Variants in ADORA2B observed in about 807,000 individuals in gnomAD.
ADORA2B encodes the protein adenosine receptor A2b.
Under a neutral mutation model 20.8 loss-of-function variants are expected in ADORA2B, and 18 were observed. The observed-to-expected ratio is 0.87, with a 90% CI of 0.60 to 1.29. The LOEUF is 1.29. ADORA2B is among the 50% of genes most tolerant of loss of function. The pLI is 0.00. For synonymous variants in ADORA2B, 179 were observed against 178.3 expected (o/e 1.00, Z -0.03); for missense variants, 441 against 422.7 (o/e 1.04, Z -0.38).
Position 15,971,245 on chromosome 17 carries a change from A to G in ADORA2B, c.336-3434A>G, listed in dbSNP as rs1283732636. Among the ~76,000 whole-genome samples the G allele has an allele frequency of 8.5e-5, 13 of 152,220 alleles. No homozygotes were observed. The East Asian group carries it at 2.5e-3, about 29-fold the overall frequency. Reference sequence around the variant, plus strand: ...TCCGCCTTTGGGAGGCTTCCTTGTTATGCTGCAGGGACTAATTGTGTTATT... The same window carrying G: ...TCCGCCTTTGGGAGGCTTCCTTGTTGTGCTGCAGGGACTAATTGTGTTATT... On this transcript the variant is annotated intron_variant, in intron 1 of 1. Transcript: ENST00000304222.
the ADORA2B span, among the ~76,000 whole-genome samples, chr17:15,908,149 A>G: frequency 4.6e-5 from 7 of 152,234 alleles, no homozygotes; most frequent in African/African-American, 1.7e-4. Flanking sequence ...GTGCAGTAAC[A>G]GAATCATGGC....
At chr17:15,943,947 T>A (rs948533380), upstream of ADORA2B, among the ~76,000 whole-genome samples, 2 of 151,852 alleles carry the variant, frequency 1.3e-5, no homozygotes, top group African/African-American at 4.8e-5. Context: ...AGAACAATGG[T>A]GTTGGTGAGG....
chr17:15,896,984 G>T, the ADORA2B span, among the ~76,000 whole-genome samples: 2 of 152,154 alleles, frequency 1.3e-5, no homozygotes, highest in Non-Finnish European at 2.9e-5. Context: ...GAGAGCTTGG[G>T]AATGACTGTT....
At chr17:15,922,924 A>G in the ADORA2B span, among the ~76,000 whole-genome samples, 5 of 152,204 alleles carry the variant, frequency 3.3e-5, no homozygotes, top group African/African-American at 4.8e-5. Context: ...GCATTTTGTT[A>G]TAAATGAGAC....
At chr17:15,947,628 T>G (rs758855) in intron 1 of ADORA2B, among the ~76,000 whole-genome samples, 143,592 of 152,272 alleles carry the variant, frequency 0.94, 68,083 homozygotes, top group Non-Finnish European at 0.99. Context: ...TGCCCCAGAG[T>G]TAGTCGTCTG....
chr17:15,863,056 A>G, the ADORA2B span, among the ~76,000 whole-genome samples: 1 of 152,100 alleles, frequency 6.6e-6, no homozygotes, highest in Admixed American at 6.6e-5. Context: ...GTTTAATTTA[A>G]AGCCCCAGAT....
At position 15,974,973 on chromosome 17, in the gene ADORA2B, C is replaced by A. The variant is rs1327286697; in HGVS notation, c.630C>A (p.Cys210Ter). ...ACATTAAGATCTTCCTGGTGGCCTG[C>A]AGGCAGCTTCAGCGCACTGAGCTGA... ...VIYIKIFLVA[C>*]RQLQRTELMD... is the part of the protein sequence containing the mutation. Residue 210 changes from cysteine (C) to a stop codon, truncating the protein, a stop_gained, in exon 2 of 2, where the codon TGC (cysteine) becomes TGA (stop). Transcript: ENST00000304222. LOFTEE classifies it high-confidence loss of function. 6.2e-7 allele frequency: 1 copy of A among 1,614,182 alleles called. No individual in the cohort carries two copies.
chr17:15,958,985 G>A (rs916377969), intron 1 of ADORA2B, among the ~76,000 whole-genome samples: 2 of 152,172 alleles, frequency 1.3e-5, no homozygotes, highest in Non-Finnish European at 2.9e-5. Flanking sequence ...GCATGCAAAT[G>A]TATGAACATG....
At chr17:15,877,662 G>C in the ADORA2B span, among the ~76,000 whole-genome samples, 1 of 152,092 alleles carries the variant, frequency 6.6e-6, no homozygotes, top group Non-Finnish European at 1.5e-5. Context: ...TGCCTCAACT[G>C]CTCAATATCC....
chr17:15,871,060 A>C, the ADORA2B span, among the ~76,000 whole-genome samples: 1 of 152,188 alleles, frequency 6.6e-6, no homozygotes, highest in Non-Finnish European at 1.5e-5. Context: ...TGTGGGAGAC[A>C]CAGTCCTCTC....
chr17:15,974,546 A>T (rs1970223867), intron 1 of ADORA2B, 133 bp from the exon 2 acceptor site: 1 of 723,490 alleles, frequency 1.4e-6, no homozygotes, highest in Admixed American at 2.7e-5. Context: ...TATTGAGGGT[A>T]AAGGCCTTAG....
rs1217898700 is a variant in ADORA2B at position 15,945,500 on chromosome 17, C to T, written c.252C>T (p.Phe84=). The change falls in exon 1 of 2, where the codon TTC becomes TTT. Residue 84 remains phenylalanine (F), a synonymous_variant. Transcript: ENST00000304222. ...DFYGCLFLAC[F]VLVLTQSSIF... ...ACGGCTGCCTCTTCCTCGCCTGCTT[C>T]GTGCTGGTGCTCACGCAGAGCTCCA... is the stretch of plus-strand genomic sequence containing the variant. 5 of 1,610,912 alleles carry T rather than the reference C, an allele frequency of 3.1e-6. No individual in the cohort carries two copies. The highest frequency in any genetic ancestry group is 2.7e-5 in the African/African-American group (2 of 74,868).
At chr17:15,924,727 G>A in the ADORA2B span, among the ~76,000 whole-genome samples, 2 of 144,518 alleles carry the variant, frequency 1.4e-5, no homozygotes, top group African/African-American at 2.8e-5. Flanking sequence ...GCGACAGAGC[G>A]AGACTCCATC....
the ADORA2B span, among the ~76,000 whole-genome samples, chr17:15,926,009 G>C: frequency 1.3e-5 from 2 of 152,130 alleles, no homozygotes; most frequent in Non-Finnish European, 2.9e-5. Flanking sequence ...AATGGGATGA[G>C]AGGAATTCCT....
At chr17:15,911,738 TAGAAG>T in the ADORA2B span, among the ~76,000 whole-genome samples, 21 of 152,294 alleles carry the variant, frequency 1.4e-4, no homozygotes, top group African/African-American at 5.1e-4. Context: ...GACATGCACG[TAGAAG>T]AGAAATGGCA....
At chr17:15,904,904 A>G in the ADORA2B span, among the ~76,000 whole-genome samples, 1 of 152,082 alleles carries the variant, frequency 6.6e-6, no homozygotes, top group South Asian at 2.1e-4. Flanking sequence ...CTTTTGTTCT[A>G]TTGATTTATA....
At chr17:15,898,084 C>T in the ADORA2B span, among the ~76,000 whole-genome samples, 1 of 152,014 alleles carries the variant, frequency 6.6e-6, no homozygotes, top group African/African-American at 2.4e-5. Context: ...ATTTACAAGT[C>T]CAGGGAATTT....
At chr17:15,873,907 GA>G in the ADORA2B span, among the ~76,000 whole-genome samples, 1 of 151,942 alleles carries the variant, frequency 6.6e-6, no homozygotes, top group African/African-American at 2.4e-5. Flanking sequence ...CTACCCAAAG[GA>G]AAAGAAGTCA....
At chr17:15,879,859 A>G in the ADORA2B span, among the ~76,000 whole-genome samples, 1 of 147,604 alleles carries the variant, frequency 6.8e-6, no homozygotes, top group Non-Finnish European at 1.5e-5. Flanking sequence ...TACTCTGGTT[A>G]TAAGACTCTG....
Sources: allele counts gnomAD v4.1 joint callset (sites outside exome capture counted in the v4.1 genomes callset), GRCh38; gene constraint gnomAD v4.1.1; transcripts MANE v1.5; gene names NCBI Gene and HGNC (gene_info 2026-07-23, HGNC 2026-07-21).